The following SKAP1 variants were observed in gnomAD, a reference collection of about 807,000 sequenced individuals.
SKAP1 encodes the protein src kinase-associated phosphoprotein 1.
Under a neutral mutation model 58.5 loss-of-function variants are expected in SKAP1, and 44 were observed. The observed-to-expected ratio is 0.75, with a 90% confidence interval of 0.59 to 0.97. The LOEUF is 0.97. Among genes scored for constraint, SKAP1 ranks in the 50% least tolerant of loss-of-function variants. The pLI is 0.00. For synonymous variants in SKAP1, 127 were observed against 149.7 expected (o/e 0.85, Z 1.11); for missense variants, 390 against 435.2 (o/e 0.90, Z 0.92).
At chr17:48,386,701 T>C (rs1223878118) in intron 2 of SKAP1, among the ~76,000 whole-genome samples, 1 of 152,222 alleles carries the variant, frequency 6.6e-6, no homozygotes, top group Non-Finnish European at 1.5e-5. Context: ...GTGTCCATTT[T>C]TCTAATTAAA....
At chr17:48,206,484 T>C (rs980485299) in intron 4 of SKAP1, among the ~76,000 whole-genome samples, 3 of 152,050 alleles carry the variant, frequency 2.0e-5, no homozygotes, top group Non-Finnish European at 4.4e-5. Context: ...AATTTAATTA[T>C]ACAATTTTAT....
At position 48,133,716 on chromosome 17, in the gene SKAP1, G is replaced by C. The variant is rs2302477; in HGVS notation, c.*108C>G. On this transcript the variant is annotated 3_prime_UTR_variant, in exon 13 of 13. Transcript: ENST00000336915. The stretch of plus-strand genomic sequence containing the variant: ...AAGAGACTTGGGTCTCTTCAGCAAA[G>C]AGAGGAGTCCAAGGCGTTGGTGGGG... 6.6e-6 allele frequency: 1 copy of C among 152,632 alleles called. No homozygotes were observed. The highest frequency in any genetic ancestry group is 1.5e-5 in the Non-Finnish European group (1 of 68,050). The allele number at this position is 152,632 out of a possible 1,614,324, so 9.5% of individuals were successfully genotyped here. A position where few individuals can be genotyped will look rare whatever the true frequency, so the allele number is the denominator to read the frequency against.
rs151235462 is a variant in SKAP1, at chr17:48,300,626, C to T, written c.280+45279G>A. ...GGGTGAGCCTAAAAATGAAGTGGAT[C>T]AGAATCTTTTAGCATTTTGCTCCTC... On this transcript the variant is annotated intron_variant, in intron 4 of 12. Coordinates refer to ENST00000336915, the MANE Select transcript of SKAP1 (RefSeq NM_003726.4). Among the ~76,000 whole-genome samples, 70 of 152,270 alleles carry T rather than the reference C, an allele frequency of 4.6e-4. No homozygotes were observed. The East Asian group carries it at 0.011, about 23-fold the overall frequency.
chr17:48,243,091 A>G (rs919647741), intron 4 of SKAP1, among the ~76,000 whole-genome samples: 6 of 152,216 alleles, frequency 3.9e-5, no homozygotes, highest in African/African-American at 7.2e-5. Context: ...ACTGTGATGT[A>G]AAATGTAACT....
intron 12 of SKAP1, among the ~76,000 whole-genome samples, chr17:48,135,352 A>C (rs1202309971): frequency 2.0e-5 from 3 of 152,210 alleles, no homozygotes; most frequent in Non-Finnish European, 2.9e-5. Flanking sequence ...GCCCTCCATC[A>C]GAATCTTAAT....
chr17:48,431,868 TA>T (rs1403137633), upstream of SKAP1, among the ~76,000 whole-genome samples: 9 of 152,070 alleles, frequency 5.9e-5, no homozygotes, highest in African/African-American at 2.2e-4. Context: ...GCAAGAGCAG[TA>T]AGAAGAAACC....
At chr17:48,221,691 G>T (rs1696534203) in intron 4 of SKAP1, among the ~76,000 whole-genome samples, 1 of 152,198 alleles carries the variant, frequency 6.6e-6, no homozygotes, top group Non-Finnish European at 1.5e-5. Context: ...GCAATTTCAA[G>T]AAGTTAAATA....
intron 4 of SKAP1, among the ~76,000 whole-genome samples, chr17:48,204,977 C>CTTTTCTT (rs67682493): frequency 2.9e-5 from 2 of 69,324 alleles, no homozygotes; most frequent in African/African-American, 8.7e-5. Flanking sequence ...CTTTTCTTTT[C>CTTTTCTT]TTTCTTTCTT....
chr17:48,425,980 G>T (rs1016523357), intron 1 of SKAP1, among the ~76,000 whole-genome samples: 6 of 152,116 alleles, frequency 3.9e-5, no homozygotes, highest in African/African-American at 1.4e-4. Context: ...GCCGTAGACT[G>T]GTTGGCTAAA....
intron 10 of SKAP1, among the ~76,000 whole-genome samples, chr17:48,166,178 CT>C (rs2064136831): frequency 6.6e-6 from 1 of 152,098 alleles, no homozygotes; most frequent in African/African-American, 2.4e-5. Flanking sequence ...CTGAGAAGGG[CT>C]TTTTCTAGAG....
At chr17:48,364,866 A>G (rs2066982647) in intron 2 of SKAP1, among the ~76,000 whole-genome samples, 2 of 151,872 alleles carry the variant, frequency 1.3e-5, no homozygotes, top group African/African-American at 4.8e-5. Flanking sequence ...AAAACTGACA[A>G]CCCTTGAAGT....
chr17:48,442,931 C>T, the SKAP1 span, among the ~76,000 whole-genome samples: 16 of 152,210 alleles, frequency 1.1e-4, no homozygotes, highest in East Asian at 3.8e-4. Flanking sequence ...CGTCTACCAT[C>T]GCCACCACCA....
intron 10 of SKAP1, among the ~76,000 whole-genome samples, chr17:48,165,231 T>G (rs1376460262): frequency 6.6e-6 from 1 of 152,074 alleles, no homozygotes; most frequent in Non-Finnish European, 1.5e-5. Context: ...GGGGAAGAGA[T>G]AAGTTGGAGG....
At chr17:48,198,372 A>G (rs552653612) in intron 4 of SKAP1, among the ~76,000 whole-genome samples, 28 of 147,476 alleles carry the variant, frequency 1.9e-4, no homozygotes, top group East Asian at 1.2e-3. Context: ...GGAGAATGGC[A>G]TGAACCCGGG....
At chr17:48,134,779 C>T (rs945951566) in intron 12 of SKAP1, among the ~76,000 whole-genome samples, 1 of 152,166 alleles carries the variant, frequency 6.6e-6, no homozygotes, top group South Asian at 2.1e-4. Flanking sequence ...TCTCGGCTCA[C>T]TGCAACCTCC....
At position 48,307,556 on chromosome 17, in the gene SKAP1, C is replaced by A. The variant is rs1333360967; in HGVS notation, c.280+38349G>T. ...TTATTTCAATTTACATCAAGCCATGCATATAAAATTTAGATAAATTCCATT... is the reference window on the plus strand; with the variant it reads ...TTATTTCAATTTACATCAAGCCATGAATATAAAATTTAGATAAATTCCATT... On this transcript the variant is annotated intron_variant, in intron 4 of 12. Coordinates refer to ENST00000336915, the MANE Select transcript of SKAP1 (RefSeq NM_003726.4). 9 of 152,328 alleles carry A rather than the reference C, an allele frequency of 5.9e-5. No homozygotes were observed. In the East Asian group the frequency reaches 1.7e-3, roughly 29 times the overall value. The allele number at this position is 152,328 out of a possible 1,614,324, so 9.4% of individuals were successfully genotyped here.
In SKAP1 at chr17:48,311,034, C is replaced by A. The variant is rs548810923; in HGVS notation, c.280+34871G>T. On this transcript the variant is annotated intron_variant, in intron 4 of 12. Transcript: ENST00000336915. ...TTTTTTATTCCCCCTTCGCCGCCCC[C>A]CCAGGCTGAGCCACGTTGAGTAAAT... Among the ~76,000 whole-genome samples the A allele has an allele frequency of 4.6e-5, 7 of 152,320 alleles. No homozygotes were observed. The South Asian group carries it at 8.3e-4, about 18-fold the overall frequency.
intron 4 of SKAP1, among the ~76,000 whole-genome samples, chr17:48,285,306 A>G (rs2065816014): frequency 6.6e-6 from 1 of 152,158 alleles, no homozygotes; most frequent in African/African-American, 2.4e-5. Flanking sequence ...TTCTGGTCAT[A>G]CTGAGTCTAG....
At chr17:48,406,122 G>A (rs1316971894) in intron 1 of SKAP1, among the ~76,000 whole-genome samples, 8 of 151,496 alleles carry the variant, frequency 5.3e-5, no homozygotes, top group Admixed American at 5.3e-4. Flanking sequence ...AAAATTAGTC[G>A]GGCGTGGTGG....
Sources: gnomAD v4.1 joint callset for allele counts (sites outside exome capture counted in the v4.1 genomes callset) on GRCh38, gnomAD v4.1.1 for gene constraint, MANE v1.5 for transcripts, NCBI Gene and HGNC (gene_info 2026-07-23, HGNC 2026-07-21) for gene names.